The following NXPE2 variants were observed in gnomAD, a reference collection of about 807,000 sequenced individuals.
NXPE2 encodes NXPE family member 2.
NXPE2 carries 34 observed loss-of-function variants against 34.4 expected under a neutral mutation model. The observed-to-expected ratio is 0.99, with a 90% CI of 0.75 to 1.31. The LOEUF is 1.31. Ranked by LOEUF, NXPE2 falls within the 40% of genes most tolerant of loss-of-function variation. The pLI is 0.00. For synonymous variants in NXPE2, 235 were observed against 231.3 expected, an observed-to-expected ratio of 1.02 and a Z score of -0.15; for missense variants, 649 against 672.5, an observed-to-expected ratio of 0.97 and a Z score of 0.39.
Position 114,705,840 on chromosome 11 carries a change from T to A in NXPE2, c.988T>A (p.Tyr330Asn). Residue 330 changes from tyrosine to asparagine, a missense_variant, in exon 5 of 6, where the codon TAT becomes AAT. Transcript: ENST00000389586. ...IGMKTPFPSG[Y>N]TLKKMWITAF... ...AATGAAGACTCCTTTCCCCAGTGGT[T>A]ATACTTTGAAAAAAATGTGGATTAC... The A allele has an allele frequency of 6.5e-7, 1 of 1,543,030 alleles. No homozygotes were observed. Among genetic ancestry groups the A allele is most frequent in the Non-Finnish European group, 8.7e-7 (1 of 1,143,434 alleles).
upstream of NXPE2, chr11:114,678,453 A>G (rs1286119408): frequency 2.7e-6 from 2 of 747,972 alleles, no homozygotes; most frequent in African/African-American, 1.8e-5. Context: ...TGTGGCCACA[A>G]ATAGGATGTC....
the NXPE2 span, chr11:114,551,035 T>A: frequency 1.2e-6 from 1 of 813,586 alleles, no homozygotes; most frequent in Non-Finnish European, 2.0e-6. Flanking sequence ...GGAGTGGGAC[T>A]GACTTGAGGC....
the NXPE2 span, among the ~76,000 whole-genome samples, chr11:114,483,619 T>G: frequency 6.6e-6 from 1 of 152,218 alleles, no homozygotes; most frequent in African/African-American, 2.4e-5. Context: ...TTTCTGTGTC[T>G]GGCTTAATAT....
chr11:114,690,804 G>A (rs932320311), intron 2 of NXPE2, among the ~76,000 whole-genome samples: 3 of 151,556 alleles, frequency 2.0e-5, no homozygotes, highest in East Asian at 1.9e-4. Context: ...TTTTATTTTT[G>A]TCTGAGTGGT....
chr11:114,647,705 A>AT, the NXPE2 span, among the ~76,000 whole-genome samples: 24,115 of 147,296 alleles, frequency 0.16, 2,250 homozygotes, highest in Non-Finnish European at 0.21. Flanking sequence ...ATTTTATTTT[A>AT]TTTTTTTTTT....
At chr11:114,629,818 CAA>C in the NXPE2 span, among the ~76,000 whole-genome samples, 3 of 150,720 alleles carry the variant, frequency 2.0e-5, no homozygotes, top group African/African-American at 7.3e-5. Context: ...GCAACTTCAG[CAA>C]AGTCTCAGGA....
At chr11:114,530,964 C>A in the NXPE2 span, 1 of 1,466,694 alleles carries the variant, frequency 6.8e-7, no homozygotes, top group Non-Finnish European at 9.0e-7. Context: ...ATCATTTTTA[C>A]TTATTATGAG....
chr11:114,611,635 G>T, the NXPE2 span, among the ~76,000 whole-genome samples: 2 of 149,910 alleles, frequency 1.3e-5, no homozygotes, highest in East Asian at 4.0e-4. Flanking sequence ...GTGTTACCTC[G>T]TGTGTAGCCA....
the NXPE2 span, among the ~76,000 whole-genome samples, chr11:114,627,284 C>T: frequency 3.9e-4 from 58 of 149,308 alleles, no homozygotes; most frequent in Admixed American, 5.4e-4. Context: ...GTCGGGTTAC[C>T]CTCAAAGGGA....
Position 114,705,895 on chromosome 11 carries a change from A to C in NXPE2, c.1043A>C (p.Glu348Ala). 6.5e-7 allele frequency: 1 copy of C among 1,543,546 alleles called. No homozygotes were observed. Among genetic ancestry groups the C allele is most frequent in the Admixed American group, 2.0e-5 (1 of 49,392 alleles). Residue 348 changes from glutamate (E) to alanine (A), a missense_variant, in exon 5 of 6, where the codon GAA becomes GCA. Physicochemically the swap from Glu to Ala is moderately radical, Grantham distance 107. Transcript: ENST00000389586. ...TAFCKQIKFN[E>A]TKNINDCLER... ...TTTTGTAAACAGATCAAGTTCAATG[A>C]AACAAAAAATATAAATGACTGCTTG... is the stretch of plus-strand genomic sequence containing the variant.
At chr11:114,731,244 T>C in the NXPE2 span, among the ~76,000 whole-genome samples, 1 of 152,202 alleles carries the variant, frequency 6.6e-6, no homozygotes, top group African/African-American at 2.4e-5. Context: ...GGTGAGGATG[T>C]AAAGAAACTG....
the NXPE2 span, among the ~76,000 whole-genome samples, chr11:114,664,275 T>C: frequency 6.6e-6 from 1 of 152,062 alleles, no homozygotes; most frequent in Non-Finnish European, 1.5e-5. Flanking sequence ...TTATATAACA[T>C]TCTGGAAAAG....
At chr11:114,551,056 G>A in the NXPE2 span, 1 of 1,055,780 alleles carries the variant, frequency 9.5e-7, no homozygotes, top group South Asian at 1.4e-5. Context: ...ACGTCACACA[G>A]GTGAGGGCTT....
At chr11:114,579,594 C>T in the NXPE2 span, among the ~76,000 whole-genome samples, 1 of 152,118 alleles carries the variant, frequency 6.6e-6, no homozygotes, top group Non-Finnish European at 1.5e-5. Context: ...TACCTTACAC[C>T]AAAGAGAAGT....
chr11:114,670,864 C>CT, the NXPE2 span, among the ~76,000 whole-genome samples: 1 of 150,990 alleles, frequency 6.6e-6, no homozygotes, highest in Non-Finnish European at 1.5e-5. Context: ...CAGGAGAAAA[C>CT]GCAGGCAATG....
the NXPE2 span, among the ~76,000 whole-genome samples, chr11:114,714,878 C>T: frequency 5.3e-5 from 8 of 152,050 alleles, no homozygotes; most frequent in East Asian, 1.9e-4. Flanking sequence ...AAAAATTAGC[C>T]GGGCGTGGTG....
At chr11:114,729,811 T>C in the NXPE2 span, among the ~76,000 whole-genome samples, 1 of 152,192 alleles carries the variant, frequency 6.6e-6, no homozygotes, top group South Asian at 2.1e-4. Context: ...ATTGGGCCTT[T>C]GTTAGATTAT....
chr11:114,728,266 C>A, the NXPE2 span, among the ~76,000 whole-genome samples: 1 of 152,040 alleles, frequency 6.6e-6, no homozygotes. Context: ...ATCTGCAAAT[C>A]CCCTTTGCTA....
the NXPE2 span, among the ~76,000 whole-genome samples, chr11:114,733,572 TTC>T: frequency 3.3e-5 from 5 of 152,182 alleles, no homozygotes; most frequent in African/African-American, 9.7e-5. Flanking sequence ...TTCCTCCTTC[TTC>T]TTGGGTGCCG....
Sources: gnomAD v4.1 joint callset for allele counts (sites outside exome capture counted in the v4.1 genomes callset) on GRCh38, gnomAD v4.1.1 for gene constraint, MANE v1.5 for transcripts, NCBI Gene and HGNC (gene_info 2026-07-23, HGNC 2026-07-21) for gene names.